HPSE2: variants seen among roughly 807,000 people sequenced by gnomAD.
HPSE2 encodes inactive heparanase-2.
In HPSE2, 38 loss-of-function variants were observed where a neutral mutation model predicts 60.5. The ratio of observed to expected loss-of-function variants is 0.63; its 90% CI spans 0.48 to 0.82. The LOEUF (loss-of-function observed/expected upper bound fraction) is 0.82. Among genes scored for constraint, HPSE2 ranks in the 40% least tolerant of loss-of-function variants. The pLI is 0.00. For synonymous variants in HPSE2, 295 were observed against 293.2 expected (o/e 1.01, Z -0.06); for missense variants, 713 against 740.4 (o/e 0.96, Z 0.43).
intron 2 of HPSE2, among the ~76,000 whole-genome samples, chr10:99,162,115 G>C (rs543999031): frequency 1.3e-5 from 2 of 152,214 alleles, no homozygotes; most frequent in South Asian, 4.1e-4. Flanking sequence ...GCAATGGTTT[G>C]TAAAACAACT....
Position 98,970,853 on chromosome 10 carries a change from C to CA in HPSE2, c.610+173384dup, listed in dbSNP as rs199605399. Among the ~76,000 whole-genome samples the CA allele has an allele frequency of 6.9e-3, 1,051 of 151,786 alleles. 15 individuals are homozygous for CA. Among genetic ancestry groups the CA allele is most frequent in the African/African-American group, 0.024 (1,006 of 41,414 alleles). ...AAGGTACTTGAGGGAAAGGATGAGG[C>CA]AAAAAAATAGGTAATCAGAAGCCAA... is the stretch of plus-strand genomic sequence containing the variant. On this transcript the variant is annotated intron_variant, in intron 3 of 11. Coordinates refer to ENST00000370552, the MANE Select transcript of HPSE2 (RefSeq NM_021828.5).
intron 3 of HPSE2, among the ~76,000 whole-genome samples, chr10:98,886,221 T>C (rs1052996207): frequency 1.3e-5 from 2 of 152,112 alleles, no homozygotes; most frequent in African/African-American, 4.8e-5. Context: ...ACATGGTTTT[T>C]CAAAAACAAG....
chr10:98,923,880 T>A (rs1235928190), intron 3 of HPSE2, among the ~76,000 whole-genome samples: 7 of 152,166 alleles, frequency 4.6e-5, no homozygotes, highest in Non-Finnish European at 1.0e-4. Context: ...GTCATATATA[T>A]CTATCTCTCT....
chr10:99,184,114 A>G (rs757158767), intron 2 of HPSE2, among the ~76,000 whole-genome samples: 1 of 152,234 alleles, frequency 6.6e-6, no homozygotes, highest in Admixed American at 6.5e-5. Context: ...CTGACATCCA[A>G]TTAAAAATTA....
intron 4 of HPSE2, among the ~76,000 whole-genome samples, chr10:98,736,893 T>A (rs1174949677): frequency 6.6e-6 from 1 of 152,184 alleles, no homozygotes; most frequent in African/African-American, 2.4e-5. Flanking sequence ...ATTTTGCAGG[T>A]GCTCCACACA....
At position 98,948,169 on chromosome 10, in the gene HPSE2, G is replaced by T. The variant is rs534485460; in HGVS notation, c.610+196069C>A. On this transcript the variant is annotated intron_variant, in intron 3 of 11. Coordinates refer to ENST00000370552, the MANE Select transcript of HPSE2 (RefSeq NM_021828.5). ...TGCCATCATTGTTTAAAAATAAAAA[G>T]CTGTGAAAGCCATAGTCCAAAACAA... Among the ~76,000 whole-genome samples, 130 of 152,272 alleles carry T rather than the reference G, an allele frequency of 8.5e-4. 1 individual carries two copies. Among genetic ancestry groups the T allele is most frequent in the African/African-American group, 3.0e-3 (123 of 41,570 alleles).
At chr10:99,184,522 C>CCAAA (rs1847899081) in intron 2 of HPSE2, among the ~76,000 whole-genome samples, 3 of 60,766 alleles carry the variant, frequency 4.9e-5, no homozygotes, top group African/African-American at 3.6e-4. Flanking sequence ...GAGACTGTCT[C>CCAAA]AAAAAAAAAA....
chr10:99,139,735 C>A (rs995819649), intron 3 of HPSE2, among the ~76,000 whole-genome samples: 3 of 152,116 alleles, frequency 2.0e-5, no homozygotes, highest in Admixed American at 6.6e-5. Context: ...GTGATACAAT[C>A]TTTAGCCCTC....
chr10:99,170,435 C>T lies in HPSE2; in HGVS notation c.449-26036G>A, dbSNP rs376011233. Among the ~76,000 whole-genome samples, 6 of 152,288 alleles carry T rather than the reference C, an allele frequency of 3.9e-5. No homozygotes were observed. In the East Asian group the frequency reaches 1.2e-3, roughly 29 times the overall value. On this transcript the variant is annotated intron_variant, in intron 2 of 11. Transcript: ENST00000370552. Reference sequence around the variant, plus strand: ...AGATGAAGACACTATAGTTTAATCTCCAGAATGTTCATGAAAACATGCAAT... The same window carrying T: ...AGATGAAGACACTATAGTTTAATCTTCAGAATGTTCATGAAAACATGCAAT...
At chr10:99,045,077 A>G (rs998613417) in intron 3 of HPSE2, among the ~76,000 whole-genome samples, 1 of 152,220 alleles carries the variant, frequency 6.6e-6, no homozygotes, top group African/African-American at 2.4e-5. Context: ...TCCCATATGC[A>G]CACAGAACAT....
chr10:98,693,923 T>C lies in HPSE2; in HGVS notation c.981A>G (p.Thr327=), dbSNP rs1948143794. ...LDGFMKVAGS[T]VDAVTWQHCY... ...ACTGTTGCCAGGTAACTGCATCTAC[T>C]GTACTTCCTGCCACCTTCATGAATC... Residue 327 remains threonine (T), a synonymous_variant, in exon 6 of 12, where the codon ACA becomes ACG. Transcript: ENST00000370552. 3.7e-6 allele frequency: 6 copies of C among 1,613,302 alleles called. No homozygotes were observed. The highest frequency in any genetic ancestry group is 5.1e-6 in the Non-Finnish European group (6 of 1,179,254).
intron 3 of HPSE2, among the ~76,000 whole-genome samples, chr10:98,805,233 T>C (rs1393535498): frequency 6.6e-6 from 1 of 152,146 alleles, no homozygotes; most frequent in African/African-American, 2.4e-5. Context: ...GGGAGTTATT[T>C]ATATCCTACT....
At chr10:99,021,163 A>C (rs1352631872) in intron 3 of HPSE2, among the ~76,000 whole-genome samples, 1 of 152,198 alleles carries the variant, frequency 6.6e-6, no homozygotes, top group Non-Finnish European at 1.5e-5. Context: ...CCTACAAACT[A>C]GGTCCCTAAT....
chr10:98,776,481 C>T (rs1394581960), intron 3 of HPSE2, among the ~76,000 whole-genome samples: 1 of 151,854 alleles, frequency 6.6e-6, no homozygotes, highest in Non-Finnish European at 1.5e-5. Context: ...TAATAATAAA[C>T]AGTATATCTA....
At chr10:99,252,528 A>T in the HPSE2 span, among the ~76,000 whole-genome samples, 12,692 of 152,190 alleles carry the variant, frequency 0.083, 634 homozygotes, top group South Asian at 0.18. Flanking sequence ...TACACCAATA[A>T]TGTTCAATCT....
chr10:98,576,806 T>C (rs924013975), intron 9 of HPSE2, among the ~76,000 whole-genome samples: 3 of 100,456 alleles, frequency 3.0e-5, no homozygotes, highest in Middle Eastern at 6.0e-3. Flanking sequence ...CAGCCCTTGT[T>C]CTCTATAGTC....
intron 3 of HPSE2, among the ~76,000 whole-genome samples, chr10:98,803,685 C>T (rs1950972427): frequency 6.6e-6 from 1 of 150,676 alleles, no homozygotes; most frequent in Non-Finnish European, 1.5e-5. Flanking sequence ...ATCTATATCT[C>T]TGTTTTGGTA....
At chr10:99,202,686 C>T (rs1257875052) in intron 2 of HPSE2, among the ~76,000 whole-genome samples, 1 of 152,088 alleles carries the variant, frequency 6.6e-6, no homozygotes, top group African/African-American at 2.4e-5. Context: ...AGCAGAGTCC[C>T]AGCCAGATGT....
In HPSE2 at chr10:98,878,545, CA is replaced by C. The variant is rs146488817; in HGVS notation, c.611-134490del. On this transcript the variant is annotated intron_variant, in intron 3 of 11. Coordinates refer to ENST00000370552, the MANE Select transcript of HPSE2 (RefSeq NM_021828.5). ...AAGAAAGAGAAGGTTCAATGACCCA[CA>C]AGTTGAAGAGATCCTAGTGTATCCT... Among the ~76,000 whole-genome samples, 550 of 152,038 alleles carry C rather than the reference CA, an allele frequency of 3.6e-3. 2 individuals carry two copies. Among genetic ancestry groups the C allele is most frequent in the African/African-American group, 0.013 (527 of 41,510 alleles).
Sources: gnomAD v4.1 joint callset for allele counts (sites outside exome capture counted in the v4.1 genomes callset) on GRCh38, gnomAD v4.1.1 for gene constraint, MANE v1.5 for transcripts, NCBI Gene and HGNC (gene_info 2026-07-23, HGNC 2026-07-21) for gene names.